The following ABL1 variants were observed in gnomAD, a reference collection of about 807,000 sequenced individuals.
ABL1 encodes ABL proto-oncogene 1, non-receptor tyrosine kinase, also known as tyrosine-protein kinase ABL1.
ABL1 carries 11 observed loss-of-function variants against 94.7 expected under a neutral mutation model. The observed-to-expected ratio is 0.12, with a 90% CI of 0.07 to 0.19. ABL1 has a LOEUF of 0.19. Among genes scored for constraint, ABL1 ranks in the 10% least tolerant of loss-of-function variants. The probability of loss-of-function intolerance (pLI) is 1.00; values close to 1 mark genes in which losing one functional copy is unlikely to be tolerated. For missense variants in ABL1, 1,082 were observed against 1,489.4 expected, an observed-to-expected ratio of 0.73 and a Z score of 4.50; for synonymous variants, 656 against 622.4, an observed-to-expected ratio of 1.05 and a Z score of -0.80.
At chr9:130,841,349 C>T (rs1024635236) in intron 1 of ABL1, among the ~76,000 whole-genome samples, 14 of 151,838 alleles carry the variant, frequency 9.2e-5, no homozygotes, top group Non-Finnish European at 1.3e-4. Flanking sequence ...CCTCGTGATC[C>T]GCCCACCTCG....
At chr9:130,860,977 G>A (rs1453704189) in intron 3 of ABL1, among the ~76,000 whole-genome samples, 4 of 152,296 alleles carry the variant, frequency 2.6e-5, no homozygotes, top group South Asian at 2.1e-4. Flanking sequence ...AGCCCTCAGC[G>A]GTGCCGACTT....
intron 1 of ABL1, among the ~76,000 whole-genome samples, chr9:130,783,623 G>T (rs557012844): frequency 6.6e-6 from 1 of 152,180 alleles, no homozygotes; most frequent in African/African-American, 2.4e-5. Context: ...CACTGTGGAA[G>T]TTTGTGCATG....
intron 1 of ABL1, among the ~76,000 whole-genome samples, chr9:130,842,146 A>G (rs1280431506): frequency 2.6e-5 from 4 of 152,160 alleles, no homozygotes; most frequent in Non-Finnish European, 5.9e-5. Context: ...GAGTGAGAGC[A>G]AGAGAAGCGC....
At chr9:130,738,783 G>A (rs1322622410) in intron 1 of ABL1, among the ~76,000 whole-genome samples, 2 of 152,188 alleles carry the variant, frequency 1.3e-5, no homozygotes, top group Non-Finnish European at 2.9e-5. Context: ...CATTAAGTGA[G>A]AACTTACTGT....
intron 1 of ABL1, among the ~76,000 whole-genome samples, chr9:130,782,548 C>T (rs887437052): frequency 6.6e-6 from 1 of 152,174 alleles, no homozygotes; most frequent in Admixed American, 6.5e-5. Context: ...GGTGGGATCA[C>T]ACCATTAACC....
intron 1 of ABL1, among the ~76,000 whole-genome samples, chr9:130,812,218 A>C (rs1004281590): frequency 1.3e-5 from 2 of 150,664 alleles, no homozygotes; most frequent in African/African-American, 4.9e-5. Context: ...AAAAAAAAAA[A>C]AAAAATTAGC....
chr9:130,835,466 A>C lies in ABL1; in HGVS notation c.20A>C (p.Lys7Thr). 1 of 1,562,040 alleles carries C rather than the reference A, an allele frequency of 6.4e-7. No individual in the cohort carries two copies. Among genetic ancestry groups the C allele is most frequent in the Non-Finnish European group, 8.7e-7 (1 of 1,152,478 alleles). The change falls in exon 1 of 11, where the codon AAG becomes ACG. Residue 7 changes from lysine (K) to threonine (T), a missense_variant. Lys to Thr is a moderately conservative substitution (Grantham distance 78). Around this residue, in one of 7 missense-constraint regions of ABL1, gnomAD observed 65 missense variants for 80.8 expected, o/e 0.80. Transcript: ENST00000318560. This position sits in a 1 kb window ranked among gnomAD's most constrained non-coding sequence, Gnocchi z 4.6. The part of the protein sequence containing the change: MLEICL[K>T]LVGCKSKKGL... ...GGGAAAATGTTGGAGATCTGCCTGAAGCTGGTGGGCTGCAAATCCAAGAAG... is the reference window on the plus strand; with the variant it reads ...GGGAAAATGTTGGAGATCTGCCTGACGCTGGTGGGCTGCAAATCCAAGAAG...
At chr9:130,822,633 C>T (rs935000083) in intron 1 of ABL1, among the ~76,000 whole-genome samples, 13 of 151,908 alleles carry the variant, frequency 8.6e-5, no homozygotes, top group African/African-American at 2.9e-4. Flanking sequence ...TTTTAGTTTC[C>T]ATTTCTTGAA....
intron 10 of ABL1, among the ~76,000 whole-genome samples, chr9:130,882,376 T>C (rs570556462): frequency 6.6e-6 from 1 of 152,256 alleles, no homozygotes; most frequent in South Asian, 2.1e-4. Flanking sequence ...AGGGCTTTGG[T>C]GTTCCCTGAT....
chr9:130,803,953 C>G (rs1026221431), intron 1 of ABL1, among the ~76,000 whole-genome samples: 1 of 151,922 alleles, frequency 6.6e-6, no homozygotes, highest in Non-Finnish European at 1.5e-5. Context: ...CCCAGCTACC[C>G]AGGAGACTGA....
chr9:130,790,360 A>T (rs1829890103), intron 1 of ABL1, among the ~76,000 whole-genome samples: 1 of 152,190 alleles, frequency 6.6e-6, no homozygotes, highest in Non-Finnish European at 1.5e-5. Context: ...TACATACTTC[A>T]GCCTGCATAT....
At chr9:130,827,004 G>A (rs1384373951) in intron 1 of ABL1, among the ~76,000 whole-genome samples, 1 of 152,188 alleles carries the variant, frequency 6.6e-6, no homozygotes, top group Non-Finnish European at 1.5e-5. Flanking sequence ...CGTGAACCCT[G>A]AAGGCGGAGC....
In ABL1 at chr9:130,854,314, T is replaced by C. The variant is rs1352662841; in HGVS notation, c.253+77T>C. ...AATTGCGGTTTGACCTACCACCCTTTGCTCGTTAAAGGAGCAGCTTTGAAA... is the reference window on the plus strand; with the variant it reads ...AATTGCGGTTTGACCTACCACCCTTCGCTCGTTAAAGGAGCAGCTTTGAAA... On this transcript the variant is annotated intron_variant, in intron 2 of 10. Transcript: ENST00000318560. 3.9e-6 allele frequency: 6 copies of C among 1,520,768 alleles called. No individual in the cohort carries two copies. The Admixed American group carries it at 1.2e-4, about 30-fold the overall frequency. 94.2% of individuals were successfully genotyped at this position (1,520,768 alleles called of 1,614,324 possible).
chr9:130,807,385 G>A (rs1236934221), intron 1 of ABL1, among the ~76,000 whole-genome samples: 7 of 151,440 alleles, frequency 4.6e-5, no homozygotes, highest in Middle Eastern at 6.9e-3. Flanking sequence ...AGTAGCTGGC[G>A]CATGCCACCA....
chr9:130,750,188 A>AATACATATAT (rs1564278529), intron 1 of ABL1, among the ~76,000 whole-genome samples: 6 of 81,856 alleles, frequency 7.3e-5, no homozygotes, highest in African/African-American at 3.9e-4. Context: ...AGAAAAAAAA[A>AATACATATAT]ATACATATAT....
chr9:130,774,857 AAAGG>A (rs1564286766), intron 1 of ABL1, among the ~76,000 whole-genome samples: 2 of 151,844 alleles, frequency 1.3e-5, no homozygotes, highest in African/African-American at 4.8e-5. Context: ...AGAAAGAAAG[AAAGG>A]AAGTTAGAAA....
chr9:130,846,146 C>T (rs1007360587), intron 1 of ABL1, among the ~76,000 whole-genome samples: 17 of 151,734 alleles, frequency 1.1e-4, no homozygotes, highest in African/African-American at 4.1e-4. Flanking sequence ...TTTAACTTCT[C>T]TGGGTGAAGG....
chr9:130,876,733 CTTTTTTTTTTTTT>C (rs755840936), intron 7 of ABL1, among the ~76,000 whole-genome samples: 5 of 83,198 alleles, frequency 6.0e-5, no homozygotes, highest in African/African-American at 2.6e-4. Flanking sequence ...AAGTTGGTTT[CTTTTTTTTTTTTT>C]TTTTTTTTTT....
At chr9:130,724,788 A>G in intron 1 of ABL1, 1 of 461,902 alleles carries the variant, frequency 2.2e-6, no homozygotes, top group Non-Finnish European at 4.2e-6. Context: ...AATTCTTGAG[A>G]TGAACTGGAT....
Sources: allele counts gnomAD v4.1 joint callset (sites outside exome capture counted in the v4.1 genomes callset), GRCh38; gene constraint gnomAD v4.1.1; regional missense constraint gnomAD v4.1.1; non-coding constraint Gnocchi (gnomAD v3.1); transcripts MANE v1.5; gene names NCBI Gene and HGNC (gene_info 2026-07-23, HGNC 2026-07-21).